Variants in AATF observed in about 807,000 individuals in gnomAD.
AATF encodes apoptosis antagonizing transcription factor.
In AATF, 48 loss-of-function variants were observed where a neutral mutation model predicts 63.7. That is an observed-to-expected ratio of 0.75 (90% confidence interval 0.60 to 0.96). The LOEUF is 0.96. AATF is among the 40% of genes least tolerant of loss of function. AATF has a pLI of 0.00. For missense variants in AATF, 639 were observed against 685.7 expected, an observed-to-expected ratio of 0.93 and a Z score of 0.76; for synonymous variants, 258 against 247.7, an observed-to-expected ratio of 1.04 and a Z score of -0.39.
chr17:36,961,740 C>G (rs1436645039), intron 4 of AATF, among the ~76,000 whole-genome samples: 1 of 151,578 alleles, frequency 6.6e-6, no homozygotes, highest in Non-Finnish European at 1.5e-5. Context: ...ATGGCAGGAT[C>G]TCGGCTCACT....
In AATF at chr17:37,021,674, G is replaced by A. The variant is rs1368887810; in HGVS notation, c.1547+660G>A. ...CAAAAAATTAGCCGGGCGTAGTGGC[G>A]GGCGCCTGTAGTCCCAGCTACTCGG... On this transcript the variant is annotated intron_variant, in intron 10 of 11. Coordinates refer to ENST00000619387, the MANE Select transcript of AATF (RefSeq NM_012138.4). 1.6e-4 allele frequency among the ~76,000 whole-genome samples: 20 copies of A among 128,016 alleles called. 8 individuals carry two copies. The highest frequency in any genetic ancestry group is 5.7e-4 in the African/African-American group (14 of 24,472). The allele number at this position is 128,016 out of a possible 152,430, so 84.0% of individuals were successfully genotyped here. A position where few individuals can be genotyped will look rare whatever the true frequency, so the allele number is the denominator to read the frequency against.
chr17:37,051,992 T>A (rs2071755858), intron 11 of AATF, among the ~76,000 whole-genome samples: 1 of 152,172 alleles, frequency 6.6e-6, no homozygotes, highest in Non-Finnish European at 1.5e-5. Flanking sequence ...GAAGAGCCCC[T>A]GCTATCGACC....
At chr17:37,046,966 TCA>T (rs1233615334) in intron 11 of AATF, among the ~76,000 whole-genome samples, 1 of 152,030 alleles carries the variant, frequency 6.6e-6, no homozygotes, top group Non-Finnish European at 1.5e-5. Context: ...AAGCCAGCAG[TCA>T]CAAAACCGTA....
At chr17:36,985,442 A>AT (rs557972342) in intron 4 of AATF, among the ~76,000 whole-genome samples, 2,697 of 132,044 alleles carry the variant, frequency 0.02, 32 homozygotes, top group Non-Finnish European at 0.032. Context: ...GCCTGGCTAA[A>AT]TTTTTTTTTT....
At position 36,953,956 on chromosome 17, in the gene AATF, T is replaced by C. The variant is rs368792731; in HGVS notation, c.832+49T>C. 1.9e-6 allele frequency: 3 copies of C among 1,584,762 alleles called. No individual in the cohort carries two copies. In the African/African-American group the frequency reaches 4.1e-5, roughly 21 times the overall value. ...GAATACTTAGAACCACTTTGTCAAATGAAGACAGCTTTGATTGAAGTGGAC... is the reference window on the plus strand; with the variant it reads ...GAATACTTAGAACCACTTTGTCAAACGAAGACAGCTTTGATTGAAGTGGAC... On this transcript the variant is annotated intron_variant, in intron 4 of 11. Coordinates refer to ENST00000619387, the MANE Select transcript of AATF (RefSeq NM_012138.4).
At chr17:37,031,866 A>G (rs1433504481) in intron 11 of AATF, among the ~76,000 whole-genome samples, 181 bp downstream of exon 11, 1 of 152,162 alleles carries the variant, frequency 6.6e-6, no homozygotes, top group Non-Finnish European at 1.5e-5. Context: ...AAACTTGCAT[A>G]AATTTCAGTG....
At chr17:36,974,099 G>A (rs937063463) in intron 4 of AATF, among the ~76,000 whole-genome samples, 1 of 151,348 alleles carries the variant, frequency 6.6e-6, no homozygotes, top group Admixed American at 6.6e-5. Flanking sequence ...ACAGAAAATA[G>A]CCAAGCAAAA....
chr17:36,984,064 A>C (rs1309565695), intron 4 of AATF, among the ~76,000 whole-genome samples: 1 of 152,270 alleles, frequency 6.6e-6, no homozygotes, highest in South Asian at 2.1e-4. Context: ...AAGTCTGCTC[A>C]TGCTGGACAG....
At chr17:37,008,675 G>A (rs1218451589) in intron 8 of AATF, among the ~76,000 whole-genome samples, 1 of 152,126 alleles carries the variant, frequency 6.6e-6, no homozygotes, top group Admixed American at 6.5e-5. Context: ...ACCAGCCACG[G>A]CAACATAGAG....
intron 8 of AATF, among the ~76,000 whole-genome samples, chr17:37,006,502 G>C (rs1427038535): frequency 6.6e-6 from 1 of 152,160 alleles, no homozygotes; most frequent in African/African-American, 2.4e-5. Context: ...CAGTCACTTA[G>C]TCCTTGTAAA....
In AATF at chr17:36,950,393, C is replaced by T. The variant is rs370506142; in HGVS notation, c.271C>T (p.Pro91Ser). The change falls in exon 2 of 12, where the codon CCA (proline) becomes TCA (serine). Residue 91 changes from proline (P) to serine (S), a missense_variant. Coordinates refer to ENST00000619387, the MANE Select transcript of AATF (RefSeq NM_012138.4). ...WNEDHWEQTL[P>S]GSSDEEISDE... ...TGAAGACCATTGGGAGCAGACTCTGCCAGGATCGTCTGGTGAGTAGACATT... is the reference window on the plus strand; with the variant it reads ...TGAAGACCATTGGGAGCAGACTCTGTCAGGATCGTCTGGTGAGTAGACATT... 1 of 1,613,934 alleles carries T rather than the reference C, an allele frequency of 6.2e-7. No individual in the cohort carries two copies.
intron 8 of AATF, among the ~76,000 whole-genome samples, chr17:36,995,354 T>C (rs1384018880): frequency 2.0e-5 from 3 of 152,204 alleles, no homozygotes; most frequent in Non-Finnish European, 1.5e-5. Context: ...CAGTGAACTA[T>C]TAAAAGTCGA....
intron 10 of AATF, among the ~76,000 whole-genome samples, chr17:37,029,528 G>A (rs2071536594): frequency 6.6e-6 from 1 of 150,744 alleles, no homozygotes; most frequent in Non-Finnish European, 1.5e-5. Flanking sequence ...GATTACAGGC[G>A]TGAGCCACTG....
intron 11 of AATF, among the ~76,000 whole-genome samples, chr17:37,047,822 G>A (rs745417043): frequency 1.8e-4 from 27 of 152,320 alleles, no homozygotes; most frequent in Non-Finnish European, 2.6e-4. Flanking sequence ...GAAACGAGTC[G>A]TGTACTGCCA....
chr17:36,983,993 C>A (rs1488098844), intron 4 of AATF, among the ~76,000 whole-genome samples: 1 of 152,164 alleles, frequency 6.6e-6, no homozygotes, highest in Non-Finnish European at 1.5e-5. Context: ...ATATGGAGAA[C>A]TTGTCTAACT....
At chr17:37,030,592 CCATTTGGT>C (rs2071544837) in intron 10 of AATF, among the ~76,000 whole-genome samples, 2 of 150,930 alleles carry the variant, frequency 1.3e-5, no homozygotes, top group African/African-American at 4.9e-5. Context: ...ATTTTTTTTT[CCATTTGGT>C]GGGAAATGTA....
chr17:36,950,442 C>G, intron 2 of AATF, 37 bp downstream of exon 2: 1 of 1,584,994 alleles, frequency 6.3e-7, no homozygotes, highest in Non-Finnish European at 8.6e-7. Flanking sequence ...CTTCTCTTCC[C>G]TAATTTTTTC....
chr17:36,988,225 G>A (rs1236996376), intron 5 of AATF, among the ~76,000 whole-genome samples: 5 of 152,134 alleles, frequency 3.3e-5, no homozygotes, highest in African/African-American at 1.2e-4. Flanking sequence ...GCTGAGGCAT[G>A]AGAATTGCTT....
intron 10 of AATF, among the ~76,000 whole-genome samples, chr17:37,023,274 A>G (rs779709172): frequency 3.9e-5 from 6 of 152,198 alleles, no homozygotes. Context: ...TATCTGGTAC[A>G]TAGTAGGCAT....
Sources: allele counts gnomAD v4.1 joint callset (sites outside exome capture counted in the v4.1 genomes callset), GRCh38; gene constraint gnomAD v4.1.1; transcripts MANE v1.5; gene names NCBI Gene and HGNC (gene_info 2026-07-23, HGNC 2026-07-21).